EFCAB6: variants seen among roughly 807,000 people sequenced by gnomAD.
The protein encoded by EFCAB6 is EF-hand calcium binding domain 6, also known as EF-hand calcium-binding domain-containing protein 6.
EFCAB6 carries 156 observed loss-of-function variants against 169.8 expected under a neutral mutation model. That is an observed-to-expected ratio of 0.92 (90% CI 0.81 to 1.05). The LOEUF (loss-of-function observed/expected upper bound fraction) is 1.05, where lower values mean the gene tolerates loss of function less well. Ranked by LOEUF, EFCAB6 falls within the 50% of genes least tolerant of loss-of-function variation. The pLI is 0.00. For synonymous variants in EFCAB6, 698 were observed against 676.4 expected (o/e 1.03, Z -0.50); for missense variants, 1,800 against 1,829.1 (o/e 0.98, Z 0.29).
chr22:43,649,463 T>G lies in EFCAB6; in HGVS notation c.1984-14247A>C, dbSNP rs189388603. ...CCACTAGAAATGTGAAACATTACAG[T>G]ATTTTTAAAAAAGCAAATAGATAAC... On this transcript the variant is annotated intron_variant, in intron 17 of 31. Coordinates refer to ENST00000262726, the MANE Select transcript of EFCAB6 (RefSeq NM_022785.4). Among the ~76,000 whole-genome samples, 61 of 152,344 alleles carry G rather than the reference T, an allele frequency of 4.0e-4. No homozygotes were observed. In the Middle Eastern group the frequency reaches 0.02, roughly 51 times the overall value.
chr22:43,801,832 A>G (rs2062730340), intron 2 of EFCAB6, among the ~76,000 whole-genome samples: 1 of 152,220 alleles, frequency 6.6e-6, no homozygotes, highest in Admixed American at 6.5e-5. Flanking sequence ...AACAGAAAAA[A>G]GCAACAAAAT....
At chr22:43,586,340 ATTTTTTTTTTT>A (rs36058832) in intron 24 of EFCAB6, among the ~76,000 whole-genome samples, 11 of 72,924 alleles carry the variant, frequency 1.5e-4, no homozygotes, top group Admixed American at 5.7e-4. Flanking sequence ...GCAACAACTG[ATTTTTTTTTTT>A]TTTTTTTTTT....
At chr22:43,770,686 A>G (rs2061441779) in intron 4 of EFCAB6, among the ~76,000 whole-genome samples, 1 of 152,220 alleles carries the variant, frequency 6.6e-6, no homozygotes, top group South Asian at 2.1e-4. Flanking sequence ...ACATTATCCA[A>G]TCTGAATGAT....
At chr22:43,565,333 T>C (rs1298571983) in intron 26 of EFCAB6, among the ~76,000 whole-genome samples, 4 of 152,194 alleles carry the variant, frequency 2.6e-5, no homozygotes, top group African/African-American at 9.6e-5. Flanking sequence ...TGAATGGATG[T>C]TATTGTTTCG....
At chr22:43,699,639 A>G (rs563480393) in intron 10 of EFCAB6, among the ~76,000 whole-genome samples, 4 of 152,036 alleles carry the variant, frequency 2.6e-5, no homozygotes, top group Non-Finnish European at 2.9e-5. Context: ...AGACCTCCCC[A>G]TGTTTCTCCT....
chr22:43,713,291 A>T (rs1410014589), intron 9 of EFCAB6, among the ~76,000 whole-genome samples: 4 of 152,232 alleles, frequency 2.6e-5, no homozygotes, highest in Admixed American at 2.6e-4. Context: ...AATGAAGCAC[A>T]TTATTGGCAT....
intron 8 of EFCAB6, among the ~76,000 whole-genome samples, chr22:43,726,521 T>C (rs2059745566): frequency 6.6e-6 from 1 of 152,256 alleles, no homozygotes; most frequent in African/African-American, 2.4e-5. Context: ...AGTGAATTTC[T>C]TGTGATTTGG....
chr22:43,633,668 G>T lies in EFCAB6; in HGVS notation c.2099-1430C>A, dbSNP rs188719903. On this transcript the variant is annotated intron_variant, in intron 18 of 31. Transcript: ENST00000262726. ...TGTCAAAGCCAGGCTACACACCAGG[G>T]ACTTGGTTCCAGACGTGGTTCTCTG... Among the ~76,000 whole-genome samples the T allele has an allele frequency of 2.6e-5, 4 of 152,298 alleles. No individual in the cohort carries two copies. The East Asian group carries it at 7.7e-4, about 29-fold the overall frequency.
chr22:43,784,617 A>G (rs1449274038), intron 2 of EFCAB6, among the ~76,000 whole-genome samples: 5 of 96,112 alleles, frequency 5.2e-5, no homozygotes, highest in African/African-American at 8.8e-5. Context: ...ATATGTGTAT[A>G]TATACACATA....
At chr22:43,587,176 C>T (rs550869355) in intron 24 of EFCAB6, among the ~76,000 whole-genome samples, 21 of 152,238 alleles carry the variant, frequency 1.4e-4, no homozygotes, top group African/African-American at 5.1e-4. Flanking sequence ...CCAGACTTCA[C>T]GTGTCTGGGT....
intron 10 of EFCAB6, among the ~76,000 whole-genome samples, chr22:43,708,366 C>T (rs2059034375): frequency 6.6e-6 from 1 of 151,708 alleles, no homozygotes; most frequent in Non-Finnish European, 1.5e-5. Flanking sequence ...AGATCACGCT[C>T]CACCTGGGTG....
At chr22:43,625,672 C>A (rs1240738122) in intron 20 of EFCAB6, among the ~76,000 whole-genome samples, 1 of 152,204 alleles carries the variant, frequency 6.6e-6, no homozygotes. Context: ...GGCAGCACTG[C>A]CCGGGGAGGG....
chr22:43,745,841 GAAC>G (rs1434731906), intron 6 of EFCAB6, among the ~76,000 whole-genome samples: 1 of 152,148 alleles, frequency 6.6e-6, no homozygotes, highest in Non-Finnish European at 1.5e-5. Context: ...GGGGAAAAAA[GAAC>G]AACACAGCTG....
At chr22:43,755,592 G>C (rs1242836152) in intron 6 of EFCAB6, among the ~76,000 whole-genome samples, 174 bp downstream of exon 6, 2 of 152,178 alleles carry the variant, frequency 1.3e-5, no homozygotes, top group Non-Finnish European at 2.9e-5. Context: ...CAAAGTAGTC[G>C]GAATACAAGC....
chr22:43,712,671 G>C (rs1169585234), intron 9 of EFCAB6, among the ~76,000 whole-genome samples: 1 of 152,118 alleles, frequency 6.6e-6, no homozygotes, highest in South Asian at 2.1e-4. Flanking sequence ...ACACTGCCTG[G>C]GGGAAGACTT....
chr22:43,781,185 C>T (rs1168090170), intron 3 of EFCAB6, among the ~76,000 whole-genome samples: 2 of 152,114 alleles, frequency 1.3e-5, no homozygotes, highest in Non-Finnish European at 2.9e-5. Context: ...AAAATAATAA[C>T]GTCAAATTCT....
chr22:43,711,884 TTTCAGAGCTAAAAA>T (rs2059173904), intron 9 of EFCAB6, among the ~76,000 whole-genome samples: 1 of 152,214 alleles, frequency 6.6e-6, no homozygotes, highest in South Asian at 2.1e-4. Context: ...CCACCTCAAA[TTTCAGAGCTAAAAA>T]TACTTGGTAG....
chr22:43,645,139 A>AG (rs35448420), intron 17 of EFCAB6, among the ~76,000 whole-genome samples: 30 of 152,228 alleles, frequency 2.0e-4, no homozygotes, highest in Admixed American at 2.0e-3. Flanking sequence ...CTGTGGCAAC[A>AG]GGGAGTTTCC....
intron 17 of EFCAB6, among the ~76,000 whole-genome samples, 196 bp from the exon 18 acceptor site, chr22:43,635,412 GGTGA>G (rs981043307): frequency 1.1e-4 from 17 of 152,110 alleles, no homozygotes; most frequent in South Asian, 4.1e-4. Context: ...GTGTTTGTTG[GGTGA>G]GTGAGTGAAC....
Sources: allele counts gnomAD v4.1 joint callset (sites outside exome capture counted in the v4.1 genomes callset), GRCh38; gene constraint gnomAD v4.1.1; transcripts MANE v1.5; gene names NCBI Gene and HGNC (gene_info 2026-07-23, HGNC 2026-07-21).